Variants in ZNF808 observed in about 807,000 individuals in gnomAD.
The protein encoded by ZNF808 is zinc finger protein 808.
A neutral mutation model predicts 8.7 loss-of-function variants in ZNF808; 5 were observed. The ratio of observed to expected loss-of-function variants is 0.58; its 90% CI spans 0.30 to 1.21. The LOEUF is 1.21. Ranked by LOEUF, ZNF808 falls within the 50% of genes most tolerant of loss-of-function variation. The probability of loss-of-function intolerance (pLI) is 0.07; values close to 1 mark genes in which losing one functional copy is unlikely to be tolerated. For synonymous variants in ZNF808, 380 were observed against 366.0 expected, an observed-to-expected ratio of 1.04 and a Z score of -0.44; for missense variants, 1,103 against 1,098.4, an observed-to-expected ratio of 1.00 and a Z score of -0.06.
rs777795089 is a variant in ZNF808, at chr19:52,553,282, A to T, written c.366A>T (p.Arg122Ser). ...AGTTTCAGTGTCAAGAAGATGAAAG[A>T]AATGGCCATGAAGCACCCACGACAA... ...NIEFQCQEDERNGHEAPTTKI... is the reference protein window; with the variant it reads ...NIEFQCQEDESNGHEAPTTKI... Residue 122 changes from arginine to serine, a missense_variant, in exon 5 of 5, where the codon AGA (arginine) becomes AGT (serine). Transcript: ENST00000359798. The T allele has an allele frequency of 6.2e-7, 1 of 1,613,878 alleles. No homozygotes were observed. Among genetic ancestry groups the T allele is most frequent in the Non-Finnish European group, 8.5e-7 (1 of 1,179,924 alleles).
downstream of ZNF808, among the ~76,000 whole-genome samples, chr19:52,567,483 TTTTTTATTATTATTATTATTA>T (rs1201605686): frequency 1.1e-3 from 147 of 130,844 alleles, 2 homozygotes; most frequent in African/African-American, 1.5e-3. Context: ...TCCAGCTGTA[TTTTTTATTATTATTATTATTA>T]TTATTATTAT....
At chr19:52,547,665 A>T in intron 4 of ZNF808, 27 bp downstream of exon 4, 5 of 1,596,642 alleles carry the variant, frequency 3.1e-6, no homozygotes, top group Non-Finnish European at 4.3e-6. Context: ...TGCAGACATG[A>T]GGAGTCTGCT....
chr19:52,538,668 C>A (rs2617794), intron 2 of ZNF808, among the ~76,000 whole-genome samples: 7 of 139,196 alleles, frequency 5.0e-5, no homozygotes, highest in East Asian at 2.3e-4. Flanking sequence ...AGGAGAGGGG[C>A]ATAAAATGAG....
intron 2 of ZNF808, among the ~76,000 whole-genome samples, chr19:52,542,957 T>TGGG (rs1568483309): frequency 8.2e-6 from 1 of 121,284 alleles, no homozygotes; most frequent in African/African-American, 3.9e-5. Context: ...GATCTTTTTT[T>TGGG]TGGGGGGGGG....
downstream of ZNF808, among the ~76,000 whole-genome samples, chr19:52,559,606 T>A (rs2059850046): frequency 6.6e-6 from 1 of 152,114 alleles, no homozygotes; most frequent in African/African-American, 2.4e-5. Flanking sequence ...CTCAAATCTC[T>A]CCGTTCCACC....
intron 1 of ZNF808, among the ~76,000 whole-genome samples, chr19:52,532,595 A>G (rs2059570851): frequency 6.6e-6 from 1 of 152,126 alleles, no homozygotes; most frequent in African/African-American, 2.4e-5. Flanking sequence ...TGACAGTGAT[A>G]TGTTTTTTGC....
chr19:52,553,782 G>C lies in ZNF808; in HGVS notation c.866G>C (p.Cys289Ser). The part of the protein sequence containing the change: ...RCHTGEKPYK[C>S]KECGKSFSYK... ...CACACTGGAGAGAAACCTTACAAGT[G>C]TAAAGAGTGTGGAAAGTCCTTCAGT... Residue 289 changes from cysteine (C) to serine (S), a missense_variant, in exon 5 of 5, where the codon TGT (cysteine) becomes TCT (serine). By Grantham distance (112) the Cys-to-Ser change is moderately radical (BLOSUM62 -1). Coordinates refer to ENST00000359798, the MANE Select transcript of ZNF808 (RefSeq NM_001039886.4). The C allele has an allele frequency of 6.2e-7, 1 of 1,614,150 alleles. No homozygotes were observed. Among genetic ancestry groups the C allele is most frequent in the African/African-American group, 1.3e-5 (1 of 75,044 alleles).
intron 1 of ZNF808, among the ~76,000 whole-genome samples, chr19:52,532,389 C>A (rs2059568874): frequency 6.6e-6 from 1 of 152,052 alleles, no homozygotes; most frequent in African/African-American, 2.4e-5. Context: ...CCACGCCTGG[C>A]TGATTTTTGG....
intron 3 of ZNF808, among the ~76,000 whole-genome samples, chr19:52,562,248 C>G (rs1348182599): frequency 6.6e-6 from 1 of 152,114 alleles, no homozygotes; most frequent in Non-Finnish European, 1.5e-5. Flanking sequence ...TGTGGTGTAA[C>G]ATGCCTGAAA....
chr19:52,530,859 C>G (rs445500), intron 1 of ZNF808, among the ~76,000 whole-genome samples: 51,093 of 151,434 alleles, frequency 0.34, 9,694 homozygotes, highest in East Asian at 0.51. Flanking sequence ...TCTAATTTCA[C>G]CTACTCCGGA....
chr19:52,542,982 C>G (rs2059686638), intron 2 of ZNF808, among the ~76,000 whole-genome samples: 2 of 150,738 alleles, frequency 1.3e-5, no homozygotes, highest in Admixed American at 1.3e-4. Flanking sequence ...AGGCTTTGAT[C>G]AGGGATGAGT....
rs554557459 is a variant in ZNF808 at position 52,545,296 on chromosome 19, A to G, written c.63+1949A>G. On this transcript the variant is annotated intron_variant, in intron 3 of 4. Transcript: ENST00000359798. The stretch of plus-strand genomic sequence containing the variant: ...GTGATTCTGTTGCCTCAGCCTCTCC[A>G]GTAGCTTGGATTAGAGGTGGGCCAC... Among the ~76,000 whole-genome samples, 18 of 152,276 alleles carry G rather than the reference A, an allele frequency of 1.2e-4. No homozygotes were observed. The South Asian group carries it at 3.5e-3, about 30-fold the overall frequency.
intron 4 of ZNF808, 140 bp from the exon 5 acceptor site, chr19:52,552,967 C>A (rs1000244577): frequency 1.6e-6 from 2 of 1,257,988 alleles, no homozygotes; most frequent in African/African-American, 1.5e-5. Context: ...AAGAATCTCA[C>A]TCTTTTTGTG....
Position 52,553,344 on chromosome 19 carries a change from A to T in ZNF808, c.428A>T (p.Asp143Val). The change falls in exon 5 of 5, where the codon GAT becomes GTT. Residue 143 changes from aspartate to valine, a missense_variant. Coordinates refer to ENST00000359798, the MANE Select transcript of ZNF808 (RefSeq NM_001039886.4). ...TTGACTGGTAGCACAGACCAACATG[A>T]TCACAGGCATGCTGGAAACAAGCCT... ...KKLTGSTDQH[D>V]HRHAGNKPIK... 1 of 1,614,138 alleles carries T rather than the reference A, an allele frequency of 6.2e-7. No homozygotes were observed. Among genetic ancestry groups the T allele is most frequent in the Non-Finnish European group, 8.5e-7 (1 of 1,179,964 alleles).
rs73576281 is a variant in ZNF808, at chr19:52,539,412, G to A, written c.-19-3854G>A. 2.9e-3 allele frequency among the ~76,000 whole-genome samples: 439 copies of A among 151,544 alleles called. 2 individuals carry two copies. The highest frequency in any genetic ancestry group is 9.4e-3 in the African/African-American group (388 of 41,392). On this transcript the variant is annotated intron_variant, in intron 2 of 4. Coordinates refer to ENST00000359798, the MANE Select transcript of ZNF808 (RefSeq NM_001039886.4). ...TCACCATCTAGGCGGGACTTGTCTT[G>A]CACTCATGACCTTGTGATCCACCGC... is the stretch of plus-strand genomic sequence containing the variant.
In ZNF808 at chr19:52,541,863, G is replaced by T. The variant is rs148267529; in HGVS notation, c.-19-1403G>T. Among the ~76,000 whole-genome samples, 892 of 152,106 alleles carry T rather than the reference G, an allele frequency of 5.9e-3. 11 individuals are homozygous for T. Among genetic ancestry groups the T allele is most frequent in the African/African-American group, 0.021 (855 of 41,476 alleles). The stretch of plus-strand genomic sequence containing the variant: ...AGCTGTCTCCTGGGTCATCAAACAG[G>T]CATCCCCACCTTCAGGTGTCCACGA... On this transcript the variant is annotated intron_variant, in intron 2 of 4. Coordinates refer to ENST00000359798, the MANE Select transcript of ZNF808 (RefSeq NM_001039886.4).
chr19:52,551,157 G>A (rs1568487526), intron 4 of ZNF808, among the ~76,000 whole-genome samples: 1 of 152,160 alleles, frequency 6.6e-6, no homozygotes, highest in Non-Finnish European at 1.5e-5. Flanking sequence ...TTCAAGACCA[G>A]CCTGGCCAAC....
At chr19:52,565,239 A>G (rs1006844180), downstream of ZNF808, among the ~76,000 whole-genome samples, 2 of 152,166 alleles carry the variant, frequency 1.3e-5, no homozygotes, top group Non-Finnish European at 2.9e-5. Flanking sequence ...GATCACGCCA[A>G]TGCACACCAG....
chr19:52,542,627 T>A (rs1017771321), intron 2 of ZNF808, among the ~76,000 whole-genome samples: 1 of 151,966 alleles, frequency 6.6e-6, no homozygotes, highest in African/African-American at 2.4e-5. Context: ...CCCAAGGTGG[T>A]CGGGGCAGAG....
Sources: allele counts gnomAD v4.1 joint callset (sites outside exome capture counted in the v4.1 genomes callset), GRCh38; gene constraint gnomAD v4.1.1; transcripts MANE v1.5; gene names NCBI Gene and HGNC (gene_info 2026-07-23, HGNC 2026-07-21).